The following PRELID2 variants were observed in gnomAD, a reference collection of about 807,000 sequenced individuals.
PRELID2 encodes the protein PRELI domain-containing protein 2.
PRELID2 carries 25 observed loss-of-function variants against 28.4 expected under a neutral mutation model. The ratio of observed to expected loss-of-function variants is 0.88; its 90% CI spans 0.64 to 1.23. The LOEUF is 1.23. PRELID2 is among the 50% of genes most tolerant of loss of function. The pLI is 0.00. For synonymous variants in PRELID2, 76 were observed against 71.6 expected, an observed-to-expected ratio of 1.06 and a Z score of -0.31; for missense variants, 201 against 214.4, an observed-to-expected ratio of 0.94 and a Z score of 0.39.
At chr5:145,408,835 G>A in the PRELID2 span, among the ~76,000 whole-genome samples, 10 of 152,214 alleles carry the variant, frequency 6.6e-5, no homozygotes, top group Admixed American at 2.0e-4. Flanking sequence ...TCTTGCTAGA[G>A]AGTTAGACAT....
intron 1 of PRELID2, among the ~76,000 whole-genome samples, chr5:145,556,959 T>C (rs1541659): frequency 0.38 from 57,435 of 151,990 alleles, 12,511 homozygotes; most frequent in African/African-American, 0.62. Context: ...AGGCCCAATA[T>C]CTCTAGTGTA....
downstream of PRELID2, chr5:145,471,732 G>A (rs905439530): frequency 3.4e-4 from 52 of 151,770 alleles, no homozygotes; most frequent in African/African-American, 1.2e-3. Flanking sequence ...TTAAATTTGT[G>A]GCATTTTAAG....
chr5:145,671,762 G>A (rs1334911303), intron 1 of PRELID2, among the ~76,000 whole-genome samples: 1 of 152,116 alleles, frequency 6.6e-6, no homozygotes, highest in Non-Finnish European at 1.5e-5. Flanking sequence ...GAGTTGATAT[G>A]TAAGATATAA....
intron 4 of PRELID2, among the ~76,000 whole-genome samples, chr5:145,803,733 AG>A (rs2149831242): frequency 1.6e-5 from 1 of 63,674 alleles, no homozygotes; most frequent in Admixed American, 2.2e-4. Context: ...TCCAATTTAA[AG>A]TAAAAAAAAA....
chr5:145,558,647 G>A (rs1752900939), intron 1 of PRELID2, among the ~76,000 whole-genome samples: 1 of 152,160 alleles, frequency 6.6e-6, no homozygotes, highest in African/African-American at 2.4e-5. Flanking sequence ...ACCCATAAGA[G>A]CTACTCTTCC....
intron 1 of PRELID2, among the ~76,000 whole-genome samples, chr5:145,518,190 G>A (rs906265735): frequency 1.3e-5 from 2 of 150,544 alleles, no homozygotes; most frequent in African/African-American, 4.9e-5. Flanking sequence ...GATGTCATGA[G>A]TGCACTCTTG....
chr5:145,565,376 G>A (rs982447061), intron 1 of PRELID2, among the ~76,000 whole-genome samples: 2 of 152,186 alleles, frequency 1.3e-5, no homozygotes, highest in South Asian at 2.1e-4. Context: ...CATTGGCACT[G>A]CTTGCTGCAT....
intron 1 of PRELID2, among the ~76,000 whole-genome samples, chr5:145,673,256 G>T (rs1027074803): frequency 1.3e-5 from 2 of 152,094 alleles, no homozygotes; most frequent in African/African-American, 4.8e-5. Context: ...TGGCTTTTAG[G>T]TATTAACTGC....
intron 1 of PRELID2, among the ~76,000 whole-genome samples, chr5:145,682,882 G>A (rs934572130): frequency 2.0e-5 from 3 of 152,162 alleles, no homozygotes; most frequent in African/African-American, 7.2e-5. Flanking sequence ...TTTCAACACT[G>A]CTGGTTCCAA....
chr5:145,326,995 A>G, the PRELID2 span, among the ~76,000 whole-genome samples: 1 of 49,904 alleles, frequency 2.0e-5, no homozygotes, highest in Admixed American at 1.9e-4. Context: ...CGCCTCCCAA[A>G]AGACACAGTC....
chr5:145,336,551 T>C, the PRELID2 span, among the ~76,000 whole-genome samples: 2 of 152,128 alleles, frequency 1.3e-5, no homozygotes. Context: ...CATTGCTTGT[T>C]TTTCTCAGGT....
At chr5:145,408,395 TTATATATA>T in the PRELID2 span, among the ~76,000 whole-genome samples, 39 of 129,274 alleles carry the variant, frequency 3.0e-4, no homozygotes, top group African/African-American at 8.8e-4. Context: ...TTAAAGAAAT[TTATATATA>T]TATATATATA....
the PRELID2 span, among the ~76,000 whole-genome samples, chr5:145,395,576 T>C: frequency 6.6e-6 from 1 of 152,204 alleles, no homozygotes; most frequent in African/African-American, 2.4e-5. Context: ...CCACTCCATT[T>C]GCTTTCTAAC....
At chr5:145,242,181 T>A in the PRELID2 span, among the ~76,000 whole-genome samples, 1 of 151,340 alleles carries the variant, frequency 6.6e-6, no homozygotes, top group Non-Finnish European at 1.5e-5. Context: ...TATATACATA[T>A]ATGAAATTTT....
intron 1 of PRELID2, among the ~76,000 whole-genome samples, chr5:145,490,510 A>G (rs951004577): frequency 1.3e-5 from 2 of 152,218 alleles, no homozygotes; most frequent in Non-Finnish European, 2.9e-5. Context: ...AAGAACCACT[A>G]CTTGGAATAT....
chr5:145,484,942 A>G (rs1341714338), intron 1 of PRELID2, among the ~76,000 whole-genome samples: 1 of 152,184 alleles, frequency 6.6e-6, no homozygotes, highest in Non-Finnish European at 1.5e-5. Flanking sequence ...AGGAGCTACT[A>G]CCAGGGGCTC....
downstream of PRELID2, among the ~76,000 whole-genome samples, chr5:145,468,438 T>G (rs1050375499): frequency 2.7e-4 from 41 of 152,196 alleles, 1 homozygote; most frequent in African/African-American, 2.6e-4. Context: ...ACCCAGTAAT[T>G]GGATGGCTGG....
intron 1 of PRELID2, among the ~76,000 whole-genome samples, chr5:145,692,317 T>C (rs1017503427): frequency 6.6e-6 from 1 of 152,204 alleles, no homozygotes; most frequent in Non-Finnish European, 1.5e-5. Context: ...AAGGTTTATA[T>C]GTATTTTTGT....
the PRELID2 span, among the ~76,000 whole-genome samples, chr5:145,294,714 A>G: frequency 6.6e-6 from 1 of 152,120 alleles, no homozygotes; most frequent in Non-Finnish European, 1.5e-5. Flanking sequence ...CTTGGAATGG[A>G]CTTACCCTGA....
Sources: allele counts gnomAD v4.1 joint callset (sites outside exome capture counted in the v4.1 genomes callset), GRCh38; gene constraint gnomAD v4.1.1; transcripts MANE v1.5; gene names NCBI Gene and HGNC (gene_info 2026-07-23, HGNC 2026-07-21).